The following GABPB1 variants were observed in gnomAD, a reference collection of about 807,000 sequenced individuals.
GABPB1 encodes GA-binding protein subunit beta-1.
In GABPB1, 15 loss-of-function variants were observed where a neutral mutation model predicts 45.9. That is an observed-to-expected ratio of 0.33 (90% confidence interval 0.22 to 0.50). The LOEUF (loss-of-function observed/expected upper bound fraction) is 0.50, where lower values mean the gene tolerates loss of function less well. Ranked by LOEUF, GABPB1 falls within the 20% of genes least tolerant of loss-of-function variation. GABPB1 has a pLI of 0.98. For synonymous variants in GABPB1, 143 were observed against 154.4 expected, an observed-to-expected ratio of 0.93 and a Z score of 0.55; for missense variants, 252 against 457.5, an observed-to-expected ratio of 0.55 and a Z score of 4.10.
At chr15:50,280,227 C>T (rs1289892176) in intron 8 of GABPB1, among the ~76,000 whole-genome samples, 1 of 152,196 alleles carries the variant, frequency 6.6e-6, no homozygotes, top group Non-Finnish European at 1.5e-5. Context: ...TGCCTCCCAA[C>T]ACTTCTTCTC....
chr15:50,294,521 A>C (rs1336116680), intron 6 of GABPB1, among the ~76,000 whole-genome samples: 1 of 113,398 alleles, frequency 8.8e-6, no homozygotes. Context: ...CGCCTCAAAA[A>C]TAAATAAATA....
chr15:50,328,601 A>G (rs1433745261), intron 1 of GABPB1, among the ~76,000 whole-genome samples: 4 of 152,226 alleles, frequency 2.6e-5, no homozygotes, highest in African/African-American at 9.6e-5. Flanking sequence ...AATGATACTA[A>G]GAATAATAGC....
chr15:50,292,208 G>A (rs1053475212), intron 6 of GABPB1, among the ~76,000 whole-genome samples: 2 of 151,014 alleles, frequency 1.3e-5, no homozygotes, highest in Non-Finnish European at 2.9e-5. Context: ...CAGCTACTCG[G>A]GAGGCTGAGG....
intron 6 of GABPB1, among the ~76,000 whole-genome samples, chr15:50,291,149 T>G (rs932829155): frequency 4.6e-5 from 7 of 152,192 alleles, no homozygotes; most frequent in African/African-American, 1.4e-4. Flanking sequence ...CTGTCTACCT[T>G]CCATTTATGA....
At chr15:50,337,113 A>G (rs2048172021) in intron 1 of GABPB1, among the ~76,000 whole-genome samples, 1 of 6,596 alleles carries the variant, frequency 1.5e-4, no homozygotes, top group Admixed American at 1.8e-3. Flanking sequence ...ATATATATAT[A>G]TATATATATA....
rs1295262713 is a variant in GABPB1, at chr15:50,348,369, C to T, written c.-1+6616G>A. On this transcript the variant is annotated intron_variant, in intron 1 of 8. Transcript: ENST00000380877. The stretch of plus-strand genomic sequence containing the variant: ...TCCCAGACTAAAGGAATACTCCCAC[C>T]TCGGCCTCCCGAGTAGCCGAGACAC... 3.3e-5 allele frequency among the ~76,000 whole-genome samples: 5 copies of T among 152,224 alleles called. No individual in the cohort carries two copies. The East Asian group carries it at 9.8e-4, about 30-fold the overall frequency.
chr15:50,285,857 T>C (rs2046134830), intron 8 of GABPB1: 2 of 1,348,388 alleles, frequency 1.5e-6, no homozygotes, highest in Non-Finnish European at 1.9e-6. Flanking sequence ...CAGACTGTTA[T>C]AAACAAATTC....
chr15:50,299,769 T>A (rs2046661776), intron 6 of GABPB1, among the ~76,000 whole-genome samples: 1 of 152,032 alleles, frequency 6.6e-6, no homozygotes, highest in African/African-American at 2.4e-5. Context: ...TTTATAACAC[T>A]CTAGTAGAGC....
chr15:50,328,363 T>G (rs1346648633), intron 1 of GABPB1, among the ~76,000 whole-genome samples: 4 of 152,216 alleles, frequency 2.6e-5, no homozygotes, highest in African/African-American at 9.6e-5. Flanking sequence ...TTCTCCCTCA[T>G]GACATTGATT....
chr15:50,289,731 T>C (rs532535748), intron 6 of GABPB1, 63 bp from the exon 7 acceptor site: 1 of 1,271,108 alleles, frequency 7.9e-7, no homozygotes, highest in East Asian at 2.3e-5. Context: ...AACCTATTTT[T>C]GCTTTGTCTG....
intron 1 of GABPB1, among the ~76,000 whole-genome samples, chr15:50,319,697 C>T (rs2047487008): frequency 6.6e-6 from 1 of 151,990 alleles, no homozygotes; most frequent in African/African-American, 2.4e-5. Context: ...ATTATCTAGG[C>T]ATAGTGGCAG....
At chr15:50,317,303 G>A (rs1428069188) in intron 1 of GABPB1, among the ~76,000 whole-genome samples, 10 of 151,246 alleles carry the variant, frequency 6.6e-5, no homozygotes, top group African/African-American at 2.2e-4. Flanking sequence ...TACTCCGGAG[G>A]CTGAGGCAGA....
At chr15:50,332,707 C>G (rs2047987481) in intron 1 of GABPB1, among the ~76,000 whole-genome samples, 2 of 151,984 alleles carry the variant, frequency 1.3e-5, no homozygotes, top group Admixed American at 6.6e-5. Context: ...CATAAGGATT[C>G]ATTATACTCT....
rs552139343 is a variant in GABPB1 at position 50,332,447 on chromosome 15, C to T, written c.-1+22538G>A. ...TGTTTGGATTCCAGTTTGAAGAAAC[C>T]AAATATAATTTTTTAAATCTTTTTT... On this transcript the variant is annotated intron_variant, in intron 1 of 8. Coordinates refer to ENST00000380877, the MANE Select transcript of GABPB1 (RefSeq NM_016654.5). Among the ~76,000 whole-genome samples the T allele has an allele frequency of 1.5e-3, 225 of 151,994 alleles. 4 individuals are homozygous for T. The highest frequency in any genetic ancestry group is 5.3e-3 in the African/African-American group (218 of 41,468).
At chr15:50,336,462 G>C (rs911074983) in intron 1 of GABPB1, among the ~76,000 whole-genome samples, 1 of 151,682 alleles carries the variant, frequency 6.6e-6, no homozygotes, top group Non-Finnish European at 1.5e-5. Context: ...AGGAAGCCGA[G>C]GCAGGCGGAT....
intron 1 of GABPB1, among the ~76,000 whole-genome samples, chr15:50,316,551 T>C (rs2047335754): frequency 1.3e-5 from 2 of 152,180 alleles, no homozygotes; most frequent in Admixed American, 6.5e-5. Flanking sequence ...ATAAATCCAA[T>C]ATAAATCTCC....
At chr15:50,315,971 G>T (rs1334845828) in intron 1 of GABPB1, among the ~76,000 whole-genome samples, 2 of 152,178 alleles carry the variant, frequency 1.3e-5, no homozygotes, top group Non-Finnish European at 2.9e-5. Flanking sequence ...GGCTGAAGCA[G>T]GAGAATCCCT....
intron 5 of GABPB1, 60 bp from the exon 6 acceptor site, chr15:50,300,962 T>C: frequency 9.6e-7 from 1 of 1,044,664 alleles, no homozygotes; most frequent in Non-Finnish European, 1.5e-6. Context: ...TGCATATTTC[T>C]GATATTCTAT....
intron 2 of GABPB1, among the ~76,000 whole-genome samples, chr15:50,308,523 C>T (rs1051936402): frequency 6.6e-6 from 1 of 152,150 alleles, no homozygotes; most frequent in Non-Finnish European, 1.5e-5. Context: ...CTGCTTTATC[C>T]CTACACTGAA....
Sources: allele counts gnomAD v4.1 joint callset (sites outside exome capture counted in the v4.1 genomes callset), GRCh38; gene constraint gnomAD v4.1.1; transcripts MANE v1.5; gene names NCBI Gene and HGNC (gene_info 2026-07-23, HGNC 2026-07-21).